PELI2: variants seen among roughly 807,000 people sequenced by gnomAD.
PELI2 encodes the protein E3 ubiquitin-protein ligase pellino homolog 2.
Under a neutral mutation model 42.3 loss-of-function variants are expected in PELI2, and 23 were observed. That is an observed-to-expected ratio of 0.54 (90% CI 0.39 to 0.77). The LOEUF is 0.77. Ranked by LOEUF, PELI2 falls within the 30% of genes least tolerant of loss-of-function variation. PELI2 has a pLI of 0.00. For missense variants in PELI2, 463 were observed against 553.2 expected (o/e 0.84, Z 1.64); for synonymous variants, 245 against 212.2 (o/e 1.15, Z -1.34).
intron 1 of PELI2, among the ~76,000 whole-genome samples, chr14:56,137,456 G>A (rs547566384): frequency 4.6e-5 from 7 of 152,252 alleles, no homozygotes; most frequent in African/African-American, 1.4e-4. Flanking sequence ...TTTTTTCCAG[G>A]TTCCCTTGAC....
intron 1 of PELI2, among the ~76,000 whole-genome samples, chr14:56,153,285 A>G (rs754493356): frequency 4.6e-5 from 7 of 152,190 alleles, no homozygotes; most frequent in Non-Finnish European, 8.8e-5. Context: ...GGGTTTTTGT[A>G]TATAATGATT....
At chr14:56,118,853 C>A in intron 1 of PELI2, 116 bp downstream of exon 1, 1 of 594,370 alleles carries the variant, frequency 1.7e-6, no homozygotes, top group Non-Finnish European at 2.5e-6. Context: ...GCGCTCGGGG[C>A]GGCAGGAGAG....
intron 2 of PELI2, among the ~76,000 whole-genome samples, chr14:56,279,299 G>T (rs1889398206): frequency 6.6e-6 from 1 of 152,122 alleles, no homozygotes; most frequent in African/African-American, 2.4e-5. Context: ...TGACTTATCT[G>T]TTGTGTGAAA....
intron 2 of PELI2, among the ~76,000 whole-genome samples, chr14:56,233,571 G>C (rs916473335): frequency 6.6e-6 from 1 of 152,262 alleles, no homozygotes; most frequent in Non-Finnish European, 1.5e-5. Context: ...GCTGAAACTG[G>C]ATCCCTTCCT....
At chr14:56,120,460 C>A (rs1038761131) in intron 1 of PELI2, among the ~76,000 whole-genome samples, 6 of 152,128 alleles carry the variant, frequency 3.9e-5, no homozygotes, top group Non-Finnish European at 8.8e-5. Context: ...GGATTGAAAC[C>A]CTGGATTGTC....
chr14:56,262,873 T>C (rs1431584864), intron 2 of PELI2, among the ~76,000 whole-genome samples: 4 of 152,248 alleles, frequency 2.6e-5, no homozygotes, highest in Non-Finnish European at 5.9e-5. Flanking sequence ...TAATATAGAA[T>C]ATGCTCAAGG....
rs922641966 is a variant in PELI2 at position 56,197,659 on chromosome 14, G to T, written c.207+19195G>T. Reference sequence around the variant, plus strand: ...GCTGGGCCATTGTGCCTAGATTTGTGGTCAGGTGTTATTCTCAATGTTTCT... The same window carrying T: ...GCTGGGCCATTGTGCCTAGATTTGTTGTCAGGTGTTATTCTCAATGTTTCT... On this transcript the variant is annotated intron_variant, in intron 2 of 5. Transcript: ENST00000267460. This position sits in a 1 kb window ranked among gnomAD's most constrained non-coding sequence, Gnocchi z 4.9. Among the ~76,000 whole-genome samples the T allele has an allele frequency of 6.6e-6, 1 of 152,092 alleles. No individual in the cohort carries two copies. Among genetic ancestry groups the T allele is most frequent in the African/African-American group, 2.4e-5 (1 of 41,410 alleles).
At chr14:56,173,098 A>C (rs1384031672) in intron 1 of PELI2, among the ~76,000 whole-genome samples, 1 of 151,996 alleles carries the variant, frequency 6.6e-6, no homozygotes, top group Non-Finnish European at 1.5e-5. Flanking sequence ...ATTTCTCTGG[A>C]GCTCCAGACC....
At chr14:56,241,122 A>G (rs959496791) in intron 2 of PELI2, among the ~76,000 whole-genome samples, 1 of 152,146 alleles carries the variant, frequency 6.6e-6, no homozygotes, top group Non-Finnish European at 1.5e-5. Flanking sequence ...TGAGGAAATC[A>G]ACCACATGGA....
In PELI2 at chr14:56,288,117, T is replaced by C. The variant is rs2139891880; in HGVS notation, c.310-320T>C. Among the ~76,000 whole-genome samples the C allele has an allele frequency of 6.6e-6, 1 of 152,344 alleles. No homozygotes were observed. The highest frequency in any genetic ancestry group is 2.1e-4 in the South Asian group (1 of 4,828). ...TGAGTTAAGCAAGATGAGTAAGTTC[T>C]AGAGAGTTGCTGTGCACCGTTCTGC... On this transcript the variant is annotated intron_variant, in intron 3 of 5. Coordinates refer to ENST00000267460, the MANE Select transcript of PELI2 (RefSeq NM_021255.3). This position sits in a 1 kb window ranked among gnomAD's most constrained non-coding sequence, Gnocchi z 4.6.
Position 56,180,493 on chromosome 14 carries a change from C to A in PELI2, c.207+2029C>A, listed in dbSNP as rs932785679. On this transcript the variant is annotated intron_variant, in intron 2 of 5. Transcript: ENST00000267460. The surrounding 1 kb of genome is among the most constrained non-coding windows in gnomAD (Gnocchi z 4.4). ...TAGATAGTGACTTTCCTCCAACCAA[C>A]TTCTATCTCTTTTAAAGGTTTACAT... is the stretch of plus-strand genomic sequence containing the variant. 3.3e-5 allele frequency among the ~76,000 whole-genome samples: 5 copies of A among 152,156 alleles called. No homozygotes were observed. Among genetic ancestry groups the A allele is most frequent in the Admixed American group, 6.5e-5 (1 of 15,274 alleles).
At chr14:56,274,118 C>G (rs541271335) in intron 2 of PELI2, among the ~76,000 whole-genome samples, 3 of 152,160 alleles carry the variant, frequency 2.0e-5, no homozygotes, top group Non-Finnish European at 4.4e-5. Context: ...CATTTCCATG[C>G]GCTAGCCTCA....
chr14:56,230,595 A>C (rs1446449775), intron 2 of PELI2, among the ~76,000 whole-genome samples: 1 of 152,234 alleles, frequency 6.6e-6, no homozygotes, highest in African/African-American at 2.4e-5. Context: ...GAGCTCCTGA[A>C]GGAAGCACTA....
chr14:56,185,822 C>T (rs1284277259), intron 2 of PELI2, among the ~76,000 whole-genome samples: 2 of 151,934 alleles, frequency 1.3e-5, no homozygotes, highest in East Asian at 3.9e-4. Context: ...TGCTGCTTTG[C>T]TGTGTGGTCT....
intron 1 of PELI2, chr14:56,119,751 T>A: frequency 2.1e-6 from 2 of 975,220 alleles, no homozygotes; most frequent in Non-Finnish European, 2.4e-6. Flanking sequence ...CAACTTGGGT[T>A]TAGTGTTGAA....
At chr14:56,221,521 G>A (rs962352459) in intron 2 of PELI2, among the ~76,000 whole-genome samples, 11 of 152,172 alleles carry the variant, frequency 7.2e-5, no homozygotes, top group African/African-American at 2.4e-5. Flanking sequence ...ATCCCAAATT[G>A]GAAATGAGTG....
At chr14:56,295,632 C>G (rs1318690688) in intron 5 of PELI2, among the ~76,000 whole-genome samples, 1 of 152,244 alleles carries the variant, frequency 6.6e-6, no homozygotes, top group East Asian at 1.9e-4. Context: ...TCTAAGAACT[C>G]TTTGCATTTA....
At chr14:56,272,304 G>T (rs1181082363) in intron 2 of PELI2, among the ~76,000 whole-genome samples, 1 of 152,198 alleles carries the variant, frequency 6.6e-6, no homozygotes, top group Non-Finnish European at 1.5e-5. Context: ...TGAAGAAAAA[G>T]AATTTCATTT....
intron 3 of PELI2, among the ~76,000 whole-genome samples, chr14:56,286,337 G>A (rs1889644497): frequency 6.6e-6 from 1 of 152,218 alleles, no homozygotes; most frequent in Admixed American, 6.5e-5. Context: ...TAAAGTGATT[G>A]ATGCAGGGAG....
Sources: gnomAD v4.1 joint callset for allele counts (sites outside exome capture counted in the v4.1 genomes callset) on GRCh38, gnomAD v4.1.1 for gene constraint, Gnocchi (gnomAD v3.1) non-coding constraint, MANE v1.5 for transcripts, NCBI Gene and HGNC (gene_info 2026-07-23, HGNC 2026-07-21) for gene names.